Variants in MACROD2 observed in about 807,000 individuals in gnomAD.
MACROD2 encodes ADP-ribose glycohydrolase MACROD2.
A neutral mutation model predicts 70.4 loss-of-function variants in MACROD2; 36 were observed. The ratio of observed to expected loss-of-function variants is 0.51; its 90% CI spans 0.39 to 0.68. The LOEUF (loss-of-function observed/expected upper bound fraction) is 0.68. Among genes scored for constraint, MACROD2 ranks in the 30% least tolerant of loss-of-function variants. The pLI, the probability that MACROD2 is intolerant of heterozygous loss-of-function variation, is 0.00. For synonymous variants in MACROD2, 172 were observed against 178.8 expected, an observed-to-expected ratio of 0.96 and a Z score of 0.30; for missense variants, 496 against 538.4, an observed-to-expected ratio of 0.92 and a Z score of 0.78.
At chr20:15,976,138 C>T (rs993524781) in intron 13 of MACROD2, among the ~76,000 whole-genome samples, 2 of 152,160 alleles carry the variant, frequency 1.3e-5, no homozygotes, top group African/African-American at 4.8e-5. Context: ...TGTTCAGAAA[C>T]AGTCCATTTA....
At chr20:14,969,355 T>C (rs868394448) in intron 5 of MACROD2, among the ~76,000 whole-genome samples, 3 of 129,036 alleles carry the variant, frequency 2.3e-5, no homozygotes, top group Non-Finnish European at 4.9e-5. Context: ...GCTATATAAA[T>C]GCTTTTACAC....
intron 8 of MACROD2, among the ~76,000 whole-genome samples, chr20:15,590,706 A>C (rs920206367): frequency 6.6e-6 from 1 of 152,062 alleles, no homozygotes; most frequent in African/African-American, 2.4e-5. Flanking sequence ...AACATGGTGA[A>C]AACCTATCTC....
chr20:15,563,048 C>A (rs1397106520), intron 8 of MACROD2, among the ~76,000 whole-genome samples: 1 of 152,178 alleles, frequency 6.6e-6, no homozygotes, highest in Non-Finnish European at 1.5e-5. Context: ...GATGCTATGG[C>A]TGGCAGACAA....
intron 8 of MACROD2, among the ~76,000 whole-genome samples, chr20:15,655,316 CT>C (rs10595680): frequency 0.13 from 17,965 of 139,904 alleles, 1,374 homozygotes; most frequent in South Asian, 0.22. Context: ...TAGAGTTCCA[CT>C]TTTTTTTTTT....
intron 5 of MACROD2, among the ~76,000 whole-genome samples, chr20:14,947,759 A>ACT (rs1193370056): frequency 6.6e-6 from 1 of 152,006 alleles, no homozygotes; most frequent in African/African-American, 2.4e-5. Context: ...AGGCATTCAG[A>ACT]CTCCAGACTA....
intron 5 of MACROD2, among the ~76,000 whole-genome samples, chr20:15,211,464 T>C (rs552139928): frequency 9.3e-4 from 142 of 152,248 alleles, no homozygotes; most frequent in Non-Finnish European, 1.2e-3. Context: ...AGGTGTGGCC[T>C]GGTGGGAGGT....
At chr20:14,543,281 G>C (rs1421409242) in intron 4 of MACROD2, among the ~76,000 whole-genome samples, 8 of 152,082 alleles carry the variant, frequency 5.3e-5, no homozygotes, top group Admixed American at 5.2e-4. Context: ...ATCCCAGGCA[G>C]GACAGAACAG....
chr20:14,929,090 C>A (rs529284444), intron 5 of MACROD2, among the ~76,000 whole-genome samples: 3 of 152,138 alleles, frequency 2.0e-5, no homozygotes, highest in Non-Finnish European at 4.4e-5. Flanking sequence ...CATTTCTCTA[C>A]TCTCATAACG....
At chr20:14,377,118 C>T (rs2122763237) in intron 3 of MACROD2, among the ~76,000 whole-genome samples, 1 of 152,212 alleles carries the variant, frequency 6.6e-6, no homozygotes, top group Admixed American at 6.5e-5. Flanking sequence ...CTATATAATG[C>T]AGCTGTAATA....
intron 3 of MACROD2, among the ~76,000 whole-genome samples, chr20:14,479,785 A>T (rs970172770): frequency 2.2e-4 from 34 of 152,274 alleles, no homozygotes; most frequent in East Asian, 9.6e-4. Context: ...AAAAAATTTT[A>T]AAAAAAATCT....
intron 12 of MACROD2, among the ~76,000 whole-genome samples, chr20:15,954,927 C>T (rs2065955661): frequency 1.3e-5 from 2 of 152,178 alleles, no homozygotes; most frequent in African/African-American, 4.8e-5. Context: ...GAAAGTGAAG[C>T]TCACAGAGCA....
intron 5 of MACROD2, among the ~76,000 whole-genome samples, chr20:14,880,177 C>G (rs2073595033): frequency 1.3e-5 from 2 of 152,114 alleles, no homozygotes; most frequent in African/African-American, 4.8e-5. Context: ...AGAAGTGAGT[C>G]TCTTGTTGCC....
chr20:15,078,217 C>T (rs1047277041), intron 5 of MACROD2, among the ~76,000 whole-genome samples: 7 of 151,990 alleles, frequency 4.6e-5, no homozygotes, highest in South Asian at 2.1e-4. Context: ...AAGTTAAAAG[C>T]GGCCAAAGAG....
At chr20:14,643,522 G>A (rs1219409278) in intron 4 of MACROD2, among the ~76,000 whole-genome samples, 1 of 152,162 alleles carries the variant, frequency 6.6e-6, no homozygotes, top group African/African-American at 2.4e-5. Flanking sequence ...ATTAAGACAG[G>A]CTTGATGAGC....
In MACROD2 at chr20:15,987,159, G is replaced by A; in HGVS notation, c.1153+1G>A. 1 of 1,605,126 alleles carries A rather than the reference G, an allele frequency of 6.2e-7. No homozygotes were observed. Among genetic ancestry groups the A allele is most frequent in the Non-Finnish European group, 8.5e-7 (1 of 1,176,046 alleles). Reference sequence around the variant, plus strand: ...CAAGAAGAAAAAGAAGGTGAAAAAGGTAGGACTGCTCTTAAATTAACCCAT... The same window carrying A: ...CAAGAAGAAAAAGAAGGTGAAAAAGATAGGACTGCTCTTAAATTAACCCAT... On this transcript the variant is annotated splice_donor_variant, in intron 15 of 17. Transcript: ENST00000684519. LOFTEE classifies it high-confidence loss of function.
At chr20:15,915,452 A>G (rs748018030) in intron 10 of MACROD2, among the ~76,000 whole-genome samples, 1 of 152,228 alleles carries the variant, frequency 6.6e-6, no homozygotes, top group Non-Finnish European at 1.5e-5. Context: ...TCTTATTTAT[A>G]TCACAGTATC....
At chr20:14,686,092 T>G (rs2070998763) in intron 5 of MACROD2, among the ~76,000 whole-genome samples, 1 of 152,198 alleles carries the variant, frequency 6.6e-6, no homozygotes, top group South Asian at 2.1e-4. Flanking sequence ...TCAGTGAAAG[T>G]ACTTTCATGT....
chr20:15,016,439 G>C (rs1160206779), intron 5 of MACROD2, among the ~76,000 whole-genome samples: 2 of 151,920 alleles, frequency 1.3e-5, no homozygotes, highest in Non-Finnish European at 2.9e-5. Context: ...TCTCATGTTG[G>C]AATGTGATCG....
At chr20:15,577,044 C>T (rs1014274303) in intron 8 of MACROD2, among the ~76,000 whole-genome samples, 26 of 152,152 alleles carry the variant, frequency 1.7e-4, no homozygotes, top group Non-Finnish European at 3.7e-4. Flanking sequence ...GCAAAATGGG[C>T]TTTGTTGATA....
Sources: allele counts gnomAD v4.1 joint callset (sites outside exome capture counted in the v4.1 genomes callset), GRCh38; gene constraint gnomAD v4.1.1; transcripts MANE v1.5; gene names NCBI Gene and HGNC (gene_info 2026-07-23, HGNC 2026-07-21).